RBFOX1: variants seen among roughly 807,000 people sequenced by gnomAD.
The protein encoded by RBFOX1 is RNA binding protein fox-1 homolog 1.
Under a neutral mutation model 57.7 loss-of-function variants are expected in RBFOX1, and 8 were observed. The observed-to-expected ratio is 0.14, with a 90% CI of 0.08 to 0.25. The LOEUF is 0.25. RBFOX1 is among the 10% of genes least tolerant of loss of function. The pLI, the probability that RBFOX1 is intolerant of heterozygous loss-of-function variation, is 1.00. For synonymous variants in RBFOX1, 326 were observed against 222.4 expected (o/e 1.47, Z -4.15); for missense variants, 611 against 548.5 (o/e 1.11, Z -1.14).
chr16:5,747,679 A>G (rs990593166), intron 3 of RBFOX1, among the ~76,000 whole-genome samples: 1 of 152,046 alleles, frequency 6.6e-6, no homozygotes, highest in Non-Finnish European at 1.5e-5. Context: ...AGGTGTTTAT[A>G]CTATTCTTTG....
intron 3 of RBFOX1, among the ~76,000 whole-genome samples, chr16:6,694,337 G>A (rs1006036792): frequency 1.3e-5 from 2 of 152,120 alleles, no homozygotes; most frequent in Admixed American, 6.5e-5. Flanking sequence ...CTGGCATTTG[G>A]AGTTGGCGGA....
intron 3 of RBFOX1, among the ~76,000 whole-genome samples, chr16:5,812,000 A>G (rs949963030): frequency 2.6e-5 from 4 of 152,128 alleles, no homozygotes; most frequent in African/African-American, 9.7e-5. Context: ...ATCTCTAGGA[A>G]TTTGCCCTTT....
intron 3 of RBFOX1, among the ~76,000 whole-genome samples, chr16:6,833,714 T>G (rs893440783): frequency 1.3e-5 from 2 of 152,206 alleles, no homozygotes; most frequent in East Asian, 3.9e-4. Flanking sequence ...AGAGAAAGAC[T>G]CTAGATGCTA....
In RBFOX1 at chr16:5,641,044, A is replaced by C. The variant is rs9930816; in HGVS notation, c.318+42083A>C. 8.7e-3 allele frequency among the ~76,000 whole-genome samples: 1,320 copies of C among 151,656 alleles called. 24 individuals are homozygous for C. Among genetic ancestry groups the C allele is most frequent in the African/African-American group, 0.031 (1,268 of 41,262 alleles). ...ACCATGCATAAACACCCATGCACAC[A>C]CATATGCACATACACCCATGCACAC... On this transcript the variant is annotated intron_variant, in intron 3 of 19. Coordinates refer to the RBFOX1 transcript ENST00000641259.
At chr16:6,291,150 C>T (rs1217875025) in intron 1 of RBFOX1, among the ~76,000 whole-genome samples, 2 of 152,114 alleles carry the variant, frequency 1.3e-5, no homozygotes, top group African/African-American at 2.4e-5. Context: ...GGGTTTTGGC[C>T]ACCTTCTCCA....
At chr16:6,635,491 T>C (rs114759852) in intron 2 of RBFOX1, among the ~76,000 whole-genome samples, 13 of 152,148 alleles carry the variant, frequency 8.5e-5, no homozygotes, top group African/African-American at 3.1e-4. Context: ...GGTAAACAGA[T>C]AATTGGGCGA....
chr16:7,692,987 C>G (rs1367855672), intron 14 of RBFOX1, among the ~76,000 whole-genome samples: 3 of 151,988 alleles, frequency 2.0e-5, no homozygotes, highest in Admixed American at 6.6e-5. Flanking sequence ...AAAAAGTAAT[C>G]TCTTTAGCAT....
At chr16:6,423,836 G>A (rs774209048) in intron 2 of RBFOX1, among the ~76,000 whole-genome samples, 75 of 152,004 alleles carry the variant, frequency 4.9e-4, no homozygotes, top group Non-Finnish European at 1.9e-4. Flanking sequence ...GAGAAATGAG[G>A]AGCCCAGATA....
At chr16:6,684,518 T>C (rs961856195) in intron 3 of RBFOX1, among the ~76,000 whole-genome samples, 4 of 152,124 alleles carry the variant, frequency 2.6e-5, no homozygotes, top group Non-Finnish European at 5.9e-5. Flanking sequence ...ATCTTAGAAA[T>C]TGCTGCAGTG....
chr16:7,147,100 C>T (rs559103807), intron 4 of RBFOX1, among the ~76,000 whole-genome samples: 1 of 138,648 alleles, frequency 7.2e-6, no homozygotes, highest in Non-Finnish European at 1.5e-5. Flanking sequence ...CTACCCCAGC[C>T]TCCTGAATAG....
rs541242154 is a variant in RBFOX1, at chr16:7,191,051, G to T, written c.27+138953G>T. Among the ~76,000 whole-genome samples, 5 of 152,104 alleles carry T rather than the reference G, an allele frequency of 3.3e-5. No individual in the cohort carries two copies. The South Asian group carries it at 1.0e-3, about 32-fold the overall frequency. The stretch of plus-strand genomic sequence containing the variant: ...GTCTAGATGATCAATCCTATTCGGG[G>T]ACCCCTTGGATGTGAGTGTGATATC... On this transcript the variant is annotated intron_variant, in intron 4 of 15. Transcript: ENST00000550418.
At chr16:5,385,976 A>T (rs1346080837) in intron 1 of RBFOX1, among the ~76,000 whole-genome samples, 1 of 152,304 alleles carries the variant, frequency 6.6e-6, no homozygotes, top group Admixed American at 6.5e-5. Flanking sequence ...TAAACCACAG[A>T]TGCAAAGAGA....
At chr16:7,599,216 C>A (rs1290205612) in intron 9 of RBFOX1, among the ~76,000 whole-genome samples, 1 of 152,176 alleles carries the variant, frequency 6.6e-6, no homozygotes, top group Non-Finnish European at 1.5e-5. Flanking sequence ...GACTCTGAAA[C>A]TTGCCAGATT....
chr16:6,493,800 G>A (rs751419476), intron 2 of RBFOX1, among the ~76,000 whole-genome samples: 9 of 152,270 alleles, frequency 5.9e-5, no homozygotes, highest in Non-Finnish European at 8.8e-5. Context: ...CACTTCACTC[G>A]GCAGATTTCA....
intron 4 of RBFOX1, among the ~76,000 whole-genome samples, chr16:7,131,116 G>A (rs1039363491): frequency 3.9e-5 from 6 of 152,024 alleles, no homozygotes; most frequent in Admixed American, 6.6e-5. Context: ...AAGCCAAGGC[G>A]GGCAGATCAC....
At chr16:7,575,812 AGTG>A (rs2093281059) in intron 5 of RBFOX1, among the ~76,000 whole-genome samples, 1 of 152,208 alleles carries the variant, frequency 6.6e-6, no homozygotes, top group African/African-American at 2.4e-5. Flanking sequence ...GATCACACTC[AGTG>A]GAGGGCTTTG....
chr16:6,871,332 T>C (rs1409720658), intron 3 of RBFOX1, among the ~76,000 whole-genome samples: 1 of 152,104 alleles, frequency 6.6e-6, no homozygotes, highest in Admixed American at 6.5e-5. Context: ...ATTACAGGCA[T>C]GTGCCATCAC....
chr16:7,209,322 C>T (rs56107689), intron 4 of RBFOX1, among the ~76,000 whole-genome samples: 15,130 of 152,038 alleles, frequency 0.1, 813 homozygotes, highest in African/African-American at 0.11. Flanking sequence ...GCGACAAGAG[C>T]GAAACTCTGT....
chr16:6,687,538 C>A (rs1225151835), intron 3 of RBFOX1, among the ~76,000 whole-genome samples: 4 of 152,156 alleles, frequency 2.6e-5, no homozygotes, highest in Non-Finnish European at 5.9e-5. Flanking sequence ...ACAAACATGT[C>A]CTGATATCTT....
Sources: allele counts gnomAD v4.1 joint callset (sites outside exome capture counted in the v4.1 genomes callset), GRCh38; gene constraint gnomAD v4.1.1; transcripts MANE v1.5; gene names NCBI Gene and HGNC (gene_info 2026-07-23, HGNC 2026-07-21).